The following RABGAP1L variants were observed in gnomAD, a reference collection of about 807,000 sequenced individuals.
RABGAP1L encodes rab GTPase-activating protein 1-like.
Under a neutral mutation model 137.7 loss-of-function variants are expected in RABGAP1L, and 63 were observed. That is an observed-to-expected ratio of 0.46 (90% confidence interval 0.37 to 0.56). RABGAP1L has a LOEUF of 0.56. Among genes scored for constraint, RABGAP1L ranks in the 20% least tolerant of loss-of-function variants. The pLI is 0.00. For synonymous variants in RABGAP1L, 431 were observed against 433.7 expected (o/e 0.99, Z 0.08); for missense variants, 1,095 against 1,244.0 (o/e 0.88, Z 1.80).
intron 4 of RABGAP1L, among the ~76,000 whole-genome samples, chr1:174,233,409 TC>T (rs550901102): frequency 0.029 from 2,382 of 83,080 alleles, 45 homozygotes; most frequent in Middle Eastern, 0.11. Context: ...ATGCTATCCC[TC>T]CCCCCTCCCC....
intron 20 of RABGAP1L, among the ~76,000 whole-genome samples, chr1:174,960,955 T>C (rs1254299672): frequency 1.3e-5 from 2 of 152,244 alleles, no homozygotes; most frequent in Non-Finnish European, 2.9e-5. Context: ...CTGCCTGTGC[T>C]ACCTGGTCTT....
intron 1 of RABGAP1L, among the ~76,000 whole-genome samples, chr1:174,201,611 G>C (rs1668107886): frequency 6.7e-6 from 1 of 148,292 alleles, no homozygotes; most frequent in Non-Finnish European, 1.5e-5. Context: ...TCTTTTTTTT[G>C]TTAAACTACC....
At chr1:174,534,789 AAAAAAAAAAAAAAAAT>A in intron 13 of RABGAP1L, among the ~76,000 whole-genome samples, 1 of 150,614 alleles carries the variant, frequency 6.6e-6, no homozygotes, top group East Asian at 1.9e-4. Flanking sequence ...AAAAAAAAAA[AAAAAAAAAAAAAAAAT>A]AATTAGAATA....
At chr1:174,429,130 A>G (rs1652298648) in intron 13 of RABGAP1L, among the ~76,000 whole-genome samples, 1 of 152,222 alleles carries the variant, frequency 6.6e-6, no homozygotes, top group African/African-American at 2.4e-5. Flanking sequence ...AGCATGGAGT[A>G]GAATAAAGCA....
At chr1:174,716,836 G>A (rs1399785431) in intron 17 of RABGAP1L, among the ~76,000 whole-genome samples, 5 of 152,104 alleles carry the variant, frequency 3.3e-5, no homozygotes, top group Non-Finnish European at 7.3e-5. Flanking sequence ...TTGGATTTCA[G>A]CTTGGACCAC....
chr1:174,784,644 A>G (rs1687315026), intron 18 of RABGAP1L, among the ~76,000 whole-genome samples: 1 of 152,218 alleles, frequency 6.6e-6, no homozygotes, highest in South Asian at 2.1e-4. Context: ...CCTGAGGGGC[A>G]TGTCAGGAAT....
chr1:174,863,921 A>G (rs1650751840), intron 19 of RABGAP1L, among the ~76,000 whole-genome samples: 1 of 152,166 alleles, frequency 6.6e-6, no homozygotes, highest in Non-Finnish European at 1.5e-5. Flanking sequence ...CAGAGGTTGC[A>G]GTGAGCCAAG....
chr1:174,532,057 A>C (rs1351316566), intron 13 of RABGAP1L, among the ~76,000 whole-genome samples: 1 of 152,112 alleles, frequency 6.6e-6, no homozygotes, highest in Non-Finnish European at 1.5e-5. Context: ...TAAGATATAG[A>C]AATTAGAAAA....
intron 11 of RABGAP1L, among the ~76,000 whole-genome samples, chr1:174,364,443 A>G (rs1684436944): frequency 6.7e-6 from 1 of 148,448 alleles, no homozygotes; most frequent in Non-Finnish European, 1.5e-5. Flanking sequence ...TTTAGTAGAG[A>G]CGGGGTTTCA....
intron 18 of RABGAP1L, among the ~76,000 whole-genome samples, chr1:174,798,293 G>C (rs561044214): frequency 2.8e-4 from 42 of 150,610 alleles, no homozygotes; most frequent in African/African-American, 1.0e-3. Flanking sequence ...TGTAGTCCCA[G>C]CTACTCGGGA....
intron 11 of RABGAP1L, among the ~76,000 whole-genome samples, chr1:174,339,494 A>G (rs1287371807): frequency 6.6e-6 from 1 of 152,246 alleles, no homozygotes; most frequent in Non-Finnish European, 1.5e-5. Context: ...TCATAAGTGG[A>G]CAGTCTAATA....
At chr1:174,538,738 AC>A (rs1665101354) in intron 13 of RABGAP1L, among the ~76,000 whole-genome samples, 1 of 152,140 alleles carries the variant, frequency 6.6e-6, no homozygotes, top group South Asian at 2.1e-4. Context: ...ATAGAATTTC[AC>A]CTCTGACATA....
At chr1:174,964,610 G>A (rs905686142) in intron 20 of RABGAP1L, among the ~76,000 whole-genome samples, 9 of 152,148 alleles carry the variant, frequency 5.9e-5, no homozygotes, top group Non-Finnish European at 5.9e-5. Flanking sequence ...CTTCCACCCA[G>A]CTTTAACAAC....
intron 19 of RABGAP1L, among the ~76,000 whole-genome samples, chr1:174,866,365 T>G (rs1196096576): frequency 2.6e-5 from 4 of 152,218 alleles, no homozygotes; most frequent in African/African-American, 9.6e-5. Context: ...ACAGCTGTTT[T>G]AGAATTATGA....
chr1:174,802,439 C>T (rs1363021444), intron 18 of RABGAP1L, among the ~76,000 whole-genome samples: 1 of 152,158 alleles, frequency 6.6e-6, no homozygotes, highest in African/African-American at 2.4e-5. Context: ...GAAACCCCAT[C>T]TCTACTAAAA....
intron 19 of RABGAP1L, among the ~76,000 whole-genome samples, chr1:174,946,117 G>A (rs967064526): frequency 1.3e-5 from 2 of 148,834 alleles, no homozygotes; most frequent in African/African-American, 5.0e-5. Context: ...AATCTCCTAC[G>A]TTATGCCTGG....
intron 13 of RABGAP1L, among the ~76,000 whole-genome samples, chr1:174,461,443 G>A (rs1558254206): frequency 6.6e-6 from 1 of 152,218 alleles, no homozygotes; most frequent in Non-Finnish European, 1.5e-5. Flanking sequence ...TAACAAGCAA[G>A]CATGCTTGCA....
At chr1:174,728,682 C>G (rs755003788) in intron 17 of RABGAP1L, among the ~76,000 whole-genome samples, 6 of 149,558 alleles carry the variant, frequency 4.0e-5, no homozygotes, top group Non-Finnish European at 5.9e-5. Context: ...ACTGCACCCT[C>G]CCAGGCTGGA....
At chr1:174,860,691 G>A (rs1412172299) in intron 19 of RABGAP1L, among the ~76,000 whole-genome samples, 1 of 151,826 alleles carries the variant, frequency 6.6e-6, no homozygotes, top group African/African-American at 2.4e-5. Flanking sequence ...TTTACTTATT[G>A]AATTGATATA....
Sources: gnomAD v4.1 joint callset for allele counts (sites outside exome capture counted in the v4.1 genomes callset) on GRCh38, gnomAD v4.1.1 for gene constraint, MANE v1.5 for transcripts, NCBI Gene and HGNC (gene_info 2026-07-23, HGNC 2026-07-21) for gene names.